RPN2: variants seen among roughly 807,000 people sequenced by gnomAD.
RPN2 encodes the protein ribophorin II.
A neutral mutation model predicts 71.4 loss-of-function variants in RPN2; 29 were observed. That is an observed-to-expected ratio of 0.41 (90% CI 0.30 to 0.55). RPN2 has a LOEUF of 0.55. Among genes scored for constraint, RPN2 ranks in the 20% least tolerant of loss-of-function variants. The pLI is 0.35. For missense variants in RPN2, 726 were observed against 774.1 expected (o/e 0.94, Z 0.74); for synonymous variants, 308 against 305.0 (o/e 1.01, Z -0.10).
At chr20:37,219,197 T>C (rs1204382313) in intron 9 of RPN2, among the ~76,000 whole-genome samples, 3 of 152,168 alleles carry the variant, frequency 2.0e-5, no homozygotes, top group Non-Finnish European at 4.4e-5. Context: ...TATCTGACTT[T>C]TTGATTTTCG....
intron 4 of RPN2, among the ~76,000 whole-genome samples, chr20:37,203,200 C>T (rs1247623603): frequency 6.6e-6 from 1 of 152,124 alleles, no homozygotes; most frequent in African/African-American, 2.4e-5. Flanking sequence ...ATTGGGATTA[C>T]AGGTGTGAGC....
At chr20:37,213,262 G>GGA (rs1322713549) in intron 8 of RPN2, among the ~76,000 whole-genome samples, 1 of 152,076 alleles carries the variant, frequency 6.6e-6, no homozygotes, top group Non-Finnish European at 1.5e-5. Flanking sequence ...GAGTAACAAA[G>GGA]GAAAAGAAAA....
At chr20:37,193,378 G>A (rs979462251) in intron 2 of RPN2, among the ~76,000 whole-genome samples, 2 of 152,172 alleles carry the variant, frequency 1.3e-5, no homozygotes, top group African/African-American at 4.8e-5. Flanking sequence ...GAAACAGCCT[G>A]TGCGGAGGAT....
intron 12 of RPN2, 36 bp downstream of exon 12, chr20:37,228,780 T>C (rs761060554): frequency 1.2e-6 from 2 of 1,604,068 alleles, no homozygotes; most frequent in East Asian, 4.5e-5. Context: ...CAGGTGAGAG[T>C]GGCTGTGCCC....
At chr20:37,192,289 C>T (rs559406469) in intron 2 of RPN2, among the ~76,000 whole-genome samples, 8 of 152,328 alleles carry the variant, frequency 5.3e-5, no homozygotes, top group African/African-American at 1.9e-4. Flanking sequence ...GGCAATCCTT[C>T]ACGCAGTAAT....
At chr20:37,225,646 T>G in intron 10 of RPN2, 42 bp from the exon 11 acceptor site, 2 of 1,305,166 alleles carry the variant, frequency 1.5e-6, no homozygotes, top group South Asian at 2.4e-5. Context: ...CTCAGAGATA[T>G]ACTGATCCTC....
Position 37,204,841 on chromosome 20 carries a change from A to C in RPN2, c.630A>C (p.Leu210Phe). The stretch of plus-strand genomic sequence containing the variant: ...AAGAAGGACTGGAAACAACAGCGTT[A>C]TTTGTGGCTGCCACCTACAAGCTCA... The part of the protein sequence containing the change: ...QFEEGLETTA[L>F]FVAATYKLMD... The change falls in exon 6 of 17, where the codon TTA (leucine) becomes TTC (phenylalanine). Residue 210 changes from leucine to phenylalanine, a missense_variant. By Grantham distance (22) the Leu-to-Phe change is conservative. Coordinates refer to ENST00000237530, the MANE Select transcript of RPN2 (RefSeq NM_002951.5). 6.2e-7 allele frequency: 1 copy of C among 1,614,174 alleles called. No homozygotes were observed. Among genetic ancestry groups the C allele is most frequent in the Non-Finnish European group, 8.5e-7 (1 of 1,180,042 alleles).
chr20:37,224,702 A>G (rs942107757), intron 10 of RPN2, among the ~76,000 whole-genome samples: 6 of 152,178 alleles, frequency 3.9e-5, no homozygotes, highest in Non-Finnish European at 7.4e-5. Flanking sequence ...GCGGGGATCT[A>G]GATTTCTGGG....
chr20:37,201,136 C>T lies in RPN2; in HGVS notation c.479+1911C>T, dbSNP rs2268039. ...GAGATAATAGGTGTGAAGACCCTAG[C>T]GCAGTGCCTGGTTCTTGGTGGGCGT... is the stretch of plus-strand genomic sequence containing the variant. On this transcript the variant is annotated intron_variant, in intron 4 of 16. Coordinates refer to ENST00000237530, the MANE Select transcript of RPN2 (RefSeq NM_002951.5). Among the ~76,000 whole-genome samples, 63 of 151,328 alleles carry T rather than the reference C, an allele frequency of 4.2e-4. 1 individual carries two copies. In the East Asian group the frequency reaches 0.011, roughly 26 times the overall value.
At chr20:37,237,353 AT>A (rs1482754960) in intron 16 of RPN2, among the ~76,000 whole-genome samples, 1 of 152,206 alleles carries the variant, frequency 6.6e-6, no homozygotes, top group Non-Finnish European at 1.5e-5. Flanking sequence ...TTTCTCATTG[AT>A]TTGACTTTAT....
At position 37,198,379 on chromosome 20, in the gene RPN2, CT is replaced by C; in HGVS notation, c.208-14del. 1 of 1,614,226 alleles carries C rather than the reference CT, an allele frequency of 6.2e-7. No individual in the cohort carries two copies. Among genetic ancestry groups the C allele is most frequent in the South Asian group, 1.1e-5 (1 of 91,086 alleles). On this transcript the variant is annotated splice_polypyrimidine_tract_variant and intron_variant, in intron 2 of 16. Coordinates refer to ENST00000237530, the MANE Select transcript of RPN2 (RefSeq NM_002951.5). Reference sequence around the variant, plus strand: ...TACATGTGTCACCACTTAACATTGACTTTTCCCCACTGTGTAGAAAGCATGT... The same window carrying C: ...TACATGTGTCACCACTTAACATTGACTTTCCCCACTGTGTAGAAAGCATGT...
chr20:37,182,235 A>T (rs887047363), intron 1 of RPN2, among the ~76,000 whole-genome samples: 2 of 151,990 alleles, frequency 1.3e-5, no homozygotes, highest in East Asian at 3.9e-4. Flanking sequence ...TTTGGATTAC[A>T]GGCACCCACC....
chr20:37,210,045 A>G lies in RPN2; in HGVS notation c.868-2A>G. 1 of 1,613,886 alleles carries G rather than the reference A, an allele frequency of 6.2e-7. No homozygotes were observed. The highest frequency in any genetic ancestry group is 8.5e-7 in the Non-Finnish European group (1 of 1,179,952). Reference sequence around the variant, plus strand: ...AACAAATAATTTTTTATTTATTTCCAGTTGCAAGTCACCAATGTTCTGTCT... The same window carrying G: ...AACAAATAATTTTTTATTTATTTCCGGTTGCAAGTCACCAATGTTCTGTCT... On this transcript the variant is annotated splice_acceptor_variant, in intron 7 of 16. Transcript: ENST00000237530. LOFTEE classifies it high-confidence loss of function.
rs1473728670 is a variant in RPN2 at position 37,198,384 on chromosome 20, C to A, written c.208-13C>A. 6.2e-7 allele frequency: 1 copy of A among 1,614,184 alleles called. No individual in the cohort carries two copies. Among genetic ancestry groups the A allele is most frequent in the South Asian group, 1.1e-5 (1 of 91,084 alleles). On this transcript the variant is annotated splice_polypyrimidine_tract_variant and intron_variant, in intron 2 of 16. Coordinates refer to ENST00000237530, the MANE Select transcript of RPN2 (RefSeq NM_002951.5). ...GTGTCACCACTTAACATTGACTTTT[C>A]CCCACTGTGTAGAAAGCATGTACCT... is the stretch of plus-strand genomic sequence containing the variant.
chr20:37,192,120 T>TA (rs375348154), intron 2 of RPN2, among the ~76,000 whole-genome samples: 21 of 152,142 alleles, frequency 1.4e-4, no homozygotes, highest in African/African-American at 4.6e-4. Context: ...CAAATTACTT[T>TA]AAAAAAATGC....
chr20:37,199,929 T>C (rs535546541), intron 4 of RPN2, among the ~76,000 whole-genome samples: 1 of 152,034 alleles, frequency 6.6e-6, no homozygotes, highest in South Asian at 2.1e-4. Flanking sequence ...AACTCTGGGC[T>C]CAAGTGATTT....
chr20:37,196,000 A>G (rs2067248635), intron 2 of RPN2, among the ~76,000 whole-genome samples: 1 of 152,092 alleles, frequency 6.6e-6, no homozygotes, highest in Non-Finnish European at 1.5e-5. Flanking sequence ...AATAGCTGTT[A>G]GTGAAAGGCA....
chr20:37,214,910 T>C (rs1357845785), intron 9 of RPN2, among the ~76,000 whole-genome samples: 1 of 152,182 alleles, frequency 6.6e-6, no homozygotes, highest in Non-Finnish European at 1.5e-5. Flanking sequence ...TTGTCTGTAA[T>C]AGTTATTACT....
At chr20:37,229,943 T>G in intron 12 of RPN2, 30 bp from the exon 13 acceptor site, 1 of 1,540,282 alleles carries the variant, frequency 6.5e-7, no homozygotes, top group Non-Finnish European at 9.0e-7. Flanking sequence ...TCTGCCCCTG[T>G]GCTTTTACAG....
Sources: gnomAD v4.1 joint callset for allele counts (sites outside exome capture counted in the v4.1 genomes callset) on GRCh38, gnomAD v4.1.1 for gene constraint, MANE v1.5 for transcripts, NCBI Gene and HGNC (gene_info 2026-07-23, HGNC 2026-07-21) for gene names.